The following BTBD9 variants were observed in gnomAD, a reference collection of about 807,000 sequenced individuals.
BTBD9 encodes the protein BTB/POZ domain-containing protein 9.
A neutral mutation model predicts 64.3 loss-of-function variants in BTBD9; 49 were observed. That is an observed-to-expected ratio of 0.76 (90% CI 0.61 to 0.97). BTBD9 has a LOEUF of 0.97. Among genes scored for constraint, BTBD9 ranks in the 50% least tolerant of loss-of-function variants. The pLI, the probability that BTBD9 is intolerant of heterozygous loss-of-function variation, is 0.00. For synonymous variants in BTBD9, 260 were observed against 274.7 expected (o/e 0.95, Z 0.53); for missense variants, 598 against 762.1 (o/e 0.78, Z 2.53).
intron 6 of BTBD9, among the ~76,000 whole-genome samples, chr6:38,354,152 G>A (rs548920147): frequency 1.3e-5 from 2 of 152,248 alleles, no homozygotes; most frequent in East Asian, 3.9e-4. Flanking sequence ...AATTGCCCAA[G>A]ATGGCTTAAA....
chr6:38,338,155 A>G (rs1445721207), intron 7 of BTBD9, among the ~76,000 whole-genome samples: 1 of 152,142 alleles, frequency 6.6e-6, no homozygotes, highest in Admixed American at 6.5e-5. Flanking sequence ...GGATGTCTGA[A>G]ACTTCATGTA....
chr6:38,479,980 C>CG (rs1472564891), intron 6 of BTBD9, among the ~76,000 whole-genome samples: 2 of 152,264 alleles, frequency 1.3e-5, no homozygotes, highest in Non-Finnish European at 2.9e-5. Context: ...CCTCCTGCCT[C>CG]GGCCTCCCAA....
At chr6:38,374,408 C>T (rs1411172567) in intron 6 of BTBD9, among the ~76,000 whole-genome samples, 1 of 144,948 alleles carries the variant, frequency 6.9e-6, no homozygotes, top group African/African-American at 2.6e-5. Flanking sequence ...TTCAGAGGTA[C>T]ATTAATATTC....
chr6:38,303,155 T>C (rs1762476728), intron 7 of BTBD9, among the ~76,000 whole-genome samples: 1 of 152,168 alleles, frequency 6.6e-6, no homozygotes, highest in South Asian at 2.1e-4. Flanking sequence ...TGTAATCCCA[T>C]TTATCTATAA....
intron 6 of BTBD9, among the ~76,000 whole-genome samples, chr6:38,538,460 T>C (rs1774120509): frequency 6.6e-6 from 1 of 152,086 alleles, no homozygotes; most frequent in Non-Finnish European, 1.5e-5. Flanking sequence ...ATTCTGGGAG[T>C]GACAGGTGTT....
At chr6:38,592,510 G>A in intron 4 of BTBD9, 66 bp downstream of exon 4, 1 of 1,555,920 alleles carries the variant, frequency 6.4e-7, no homozygotes, top group African/African-American at 1.4e-5. Flanking sequence ...TAGTAGCTTT[G>A]CGGTTTTAAT....
intron 6 of BTBD9, among the ~76,000 whole-genome samples, chr6:38,349,720 G>C (rs181028356): frequency 6.6e-6 from 1 of 152,034 alleles, no homozygotes; most frequent in Non-Finnish European, 1.5e-5. Context: ...GGGGATTACT[G>C]TATTACTGAC....
chr6:38,577,501 A>G, intron 6 of BTBD9, 99 bp downstream of exon 6: 1 of 1,236,428 alleles, frequency 8.1e-7, no homozygotes. Context: ...GACATCCTGA[A>G]TAACTCTTTT....
intron 9 of BTBD9, among the ~76,000 whole-genome samples, chr6:38,219,036 G>A (rs1198680932): frequency 6.6e-6 from 1 of 151,964 alleles, no homozygotes. Flanking sequence ...CTAGCAAGGA[G>A]CAATACAGCC....
Position 38,291,984 on chromosome 6 carries a change from G to A in BTBD9, c.1265-3523C>T, listed in dbSNP as rs141227676. On this transcript the variant is annotated intron_variant, in intron 7 of 10. Coordinates refer to ENST00000481247, the MANE Select transcript of BTBD9 (RefSeq NM_001099272.2). Reference sequence around the variant, plus strand: ...TTCTTTCTTTTTTTTTTTTTGAGACGAAGTTTTGCTCTTGTTGCCCAGGCC... The same window carrying A: ...TTCTTTCTTTTTTTTTTTTTGAGACAAAGTTTTGCTCTTGTTGCCCAGGCC... Among the ~76,000 whole-genome samples, 196 of 148,318 alleles carry A rather than the reference G, an allele frequency of 1.3e-3. 2 individuals carry two copies. Among genetic ancestry groups the A allele is most frequent in the African/African-American group, 4.0e-3 (161 of 39,890 alleles).
At chr6:38,637,013 T>G (rs1778549893) in intron 1 of BTBD9, among the ~76,000 whole-genome samples, 1 of 152,208 alleles carries the variant, frequency 6.6e-6, no homozygotes, top group Non-Finnish European at 1.5e-5. Flanking sequence ...TTGCTTATGC[T>G]GGCCCCTGGA....
intron 6 of BTBD9, among the ~76,000 whole-genome samples, chr6:38,551,173 T>C (rs554419119): frequency 6.6e-6 from 1 of 152,366 alleles, no homozygotes; most frequent in South Asian, 2.1e-4. Context: ...ATAATTTCTA[T>C]GAAGACAGAC....
chr6:38,493,219 A>G (rs990953348), intron 6 of BTBD9, among the ~76,000 whole-genome samples: 7 of 152,260 alleles, frequency 4.6e-5, no homozygotes, highest in Admixed American at 2.0e-4. Context: ...CTACAAACAC[A>G]GAACTGTAAT....
At chr6:38,455,658 T>G (rs927624584) in intron 6 of BTBD9, among the ~76,000 whole-genome samples, 1 of 152,252 alleles carries the variant, frequency 6.6e-6, no homozygotes, top group African/African-American at 2.4e-5. Flanking sequence ...TTCACCCATT[T>G]ATGGATTGAA....
chr6:38,544,927 C>CAAAAAAA (rs58694810), intron 6 of BTBD9, among the ~76,000 whole-genome samples: 56 of 48,298 alleles, frequency 1.2e-3, no homozygotes, highest in Non-Finnish European at 1.5e-3. Context: ...AACTACATCT[C>CAAAAAAA]AAAAAAAAAA....
chr6:38,612,880 G>C (rs1179658395), intron 1 of BTBD9: 1 of 151,986 alleles, frequency 6.6e-6, no homozygotes, highest in Non-Finnish European at 1.5e-5. Flanking sequence ...AGCAAACCAA[G>C]GTTTGCTCTC....
intron 8 of BTBD9, among the ~76,000 whole-genome samples, chr6:38,264,226 A>C (rs1764893195): frequency 6.6e-6 from 1 of 152,174 alleles, no homozygotes; most frequent in Non-Finnish European, 1.5e-5. Context: ...CTGGGGAAGC[A>C]GGGCCAACAG....
At chr6:38,489,615 G>A (rs537654026) in intron 6 of BTBD9, among the ~76,000 whole-genome samples, 3 of 152,160 alleles carry the variant, frequency 2.0e-5, no homozygotes, top group Admixed American at 6.5e-5. Context: ...CTTCTAGGAC[G>A]GACCAGCTTA....
At chr6:38,210,068 G>A (rs181280766) in intron 9 of BTBD9, among the ~76,000 whole-genome samples, 185 of 152,140 alleles carry the variant, frequency 1.2e-3, no homozygotes, top group Non-Finnish European at 2.2e-3. Context: ...TGACTACGTG[G>A]GGAGACAGGG....
Sources: allele counts gnomAD v4.1 joint callset (sites outside exome capture counted in the v4.1 genomes callset), GRCh38; gene constraint gnomAD v4.1.1; transcripts MANE v1.5; gene names NCBI Gene and HGNC (gene_info 2026-07-23, HGNC 2026-07-21).